LPAR6: variants seen among roughly 807,000 people sequenced by gnomAD.
LPAR6 encodes lysophosphatidic acid receptor 6.
In LPAR6, 17 loss-of-function variants were observed where a neutral mutation model predicts 22.0. The observed-to-expected ratio is 0.77, with a 90% CI of 0.53 to 1.16. The LOEUF is 1.16. LPAR6 is among the 50% of genes most tolerant of loss of function. The pLI is 0.00. For missense variants in LPAR6, 384 were observed against 406.9 expected (o/e 0.94, Z 0.48); for synonymous variants, 136 against 139.8 (o/e 0.97, Z 0.19).
At chr13:48,389,677 A>G (rs1402330754) in exon 2 of LPAR6, 1 of 152,052 alleles carries the variant, frequency 6.6e-6, no homozygotes, top group South Asian at 2.1e-4. Context: ...AGGTGCCTGG[A>G]GCTATAGGGT....
chr13:48,416,995 C>T (rs1198929091), upstream of LPAR6, among the ~76,000 whole-genome samples: 5 of 152,190 alleles, frequency 3.3e-5, no homozygotes, highest in Non-Finnish European at 7.4e-5. Flanking sequence ...GCTATTGGTG[C>T]AGCTTCAGCA....
At chr13:48,443,930 C>T (rs1949262580) in intron 1 of LPAR6, among the ~76,000 whole-genome samples, 1 of 152,106 alleles carries the variant, frequency 6.6e-6, no homozygotes, top group South Asian at 2.1e-4. Flanking sequence ...CCATGTTTTT[C>T]TTCTGCTCTC....
intron 1 of LPAR6, among the ~76,000 whole-genome samples, chr13:48,397,937 G>C (rs1948661441): frequency 6.6e-6 from 1 of 152,148 alleles, no homozygotes; most frequent in Non-Finnish European, 1.5e-5. Context: ...CTTTGCAGAA[G>C]TATTTTAAGT....
chr13:48,423,395 A>G (rs900793103), intron 1 of LPAR6, among the ~76,000 whole-genome samples: 6 of 152,082 alleles, frequency 3.9e-5, no homozygotes, highest in Non-Finnish European at 7.4e-5. Flanking sequence ...GGTATAATAG[A>G]TCAAGGAGTC....
downstream of LPAR6, chr13:48,408,834 T>C (rs537767425): frequency 1.3e-5 from 2 of 152,176 alleles, no homozygotes; most frequent in Non-Finnish European, 2.9e-5. Context: ...AATGACTGTT[T>C]TATTTGCATT....
chr13:48,389,770 C>G (rs1269060167), exon 2 of LPAR6: 1 of 152,240 alleles, frequency 6.6e-6, no homozygotes, highest in African/African-American at 2.4e-5. Flanking sequence ...CTCCCATCCT[C>G]CCTCCCTAGA....
chr13:48,395,407 A>C (rs1378566502), intron 1 of LPAR6, among the ~76,000 whole-genome samples: 1 of 152,136 alleles, frequency 6.6e-6, no homozygotes, highest in Non-Finnish European at 1.5e-5. Flanking sequence ...TAGGCTTCAG[A>C]AGGTGGGTAA....
intron 2 of LPAR6, among the ~76,000 whole-genome samples, chr13:48,418,137 T>C (rs1948945220): frequency 6.6e-6 from 1 of 151,972 alleles, no homozygotes; most frequent in Admixed American, 6.6e-5. Flanking sequence ...GAGAGAAAGG[T>C]CGGGTTACCT....
At chr13:48,434,086 A>T (rs1299654739) in intron 1 of LPAR6, among the ~76,000 whole-genome samples, 1 of 152,100 alleles carries the variant, frequency 6.6e-6, no homozygotes, top group Non-Finnish European at 1.5e-5. Flanking sequence ...TAAAATAAAT[A>T]ATTTCTCCAA....
intron 1 of LPAR6, among the ~76,000 whole-genome samples, chr13:48,394,952 G>A (rs745330751): frequency 1.6e-4 from 24 of 152,302 alleles, no homozygotes; most frequent in Non-Finnish European, 3.2e-4. Flanking sequence ...TCCTGACTGG[G>A]AAACACCTCC....
chr13:48,431,006 G>A (rs1354007011), upstream of LPAR6, among the ~76,000 whole-genome samples: 1 of 152,096 alleles, frequency 6.6e-6, no homozygotes, highest in Non-Finnish European at 1.5e-5. Flanking sequence ...AGATAGGTTT[G>A]ACTAAATAAT....
rs1190865490 is a variant in LPAR6, at chr13:48,411,768, CT to C, written c.655del (p.Arg219GlufsTer4). 12 of 1,611,186 alleles carry C rather than the reference CT, an allele frequency of 7.4e-6. No individual in the cohort carries two copies. The highest frequency in any genetic ancestry group is 1.0e-5 in the Non-Finnish European group (12 of 1,177,582). ...AACCTTAGTTTTGTTTATTTTGCTTCTACTTAATGTAACAGGTTTGGTTAAA... is the reference window on the plus strand; with the variant it reads ...AACCTTAGTTTTGTTTATTTTGCTTCACTTAATGTAACAGGTTTGGTTAAA... Reference protein sequence around the residue: ...KTLTKPVTLSRSKINKTKVLK... With the variant: ...KTLTKPVTLSXSKINKTKVLK... On this transcript the variant is annotated frameshift_variant, in exon 1 of 1. Transcript: ENST00000620633. LOFTEE classifies it high-confidence loss of function.
chr13:48,394,865 G>C (rs1948635884), intron 1 of LPAR6, among the ~76,000 whole-genome samples: 1 of 152,226 alleles, frequency 6.6e-6, no homozygotes, highest in East Asian at 1.9e-4. Flanking sequence ...GAAGAGAGCA[G>C]CAGATCTCCC....
At chr13:48,442,186 C>T (rs1949243823) in intron 1 of LPAR6, among the ~76,000 whole-genome samples, 1 of 151,668 alleles carries the variant, frequency 6.6e-6, no homozygotes, top group Admixed American at 6.6e-5. Flanking sequence ...AGTATTAATT[C>T]TTCCTACAGT....
chr13:48,416,978 A>G (rs1483164741), upstream of LPAR6, among the ~76,000 whole-genome samples: 6 of 152,162 alleles, frequency 3.9e-5, no homozygotes, highest in East Asian at 1.2e-3. Context: ...GAAGGGTGCT[A>G]TGGGTGGCTA....
chr13:48,430,753 C>A (rs1363547758), upstream of LPAR6, among the ~76,000 whole-genome samples: 10 of 31,340 alleles, frequency 3.2e-4, no homozygotes, highest in Admixed American at 4.5e-3. Flanking sequence ...AACAAAAAAA[C>A]AAACAAACAA....
At chr13:48,424,952 G>A (rs1331465465) in intron 1 of LPAR6, among the ~76,000 whole-genome samples, 1 of 151,984 alleles carries the variant, frequency 6.6e-6, no homozygotes, top group Admixed American at 6.6e-5. Flanking sequence ...TACTCAGAAG[G>A]CTAAGGCAGG....
chr13:48,397,471 CA>C (rs1948657540), intron 1 of LPAR6, among the ~76,000 whole-genome samples: 2 of 152,208 alleles, frequency 1.3e-5, no homozygotes, highest in African/African-American at 4.8e-5. Flanking sequence ...TGGAGGGGAA[CA>C]TCACACACCG....
intron 1 of LPAR6, among the ~76,000 whole-genome samples, chr13:48,396,119 C>T (rs1948646000): frequency 6.6e-6 from 1 of 152,122 alleles, no homozygotes; most frequent in African/African-American, 2.4e-5. Flanking sequence ...CTACCTTTGG[C>T]TTTCTTCACA....
Sources: gnomAD v4.1 joint callset for allele counts (sites outside exome capture counted in the v4.1 genomes callset) on GRCh38, gnomAD v4.1.1 for gene constraint, MANE v1.5 for transcripts, NCBI Gene and HGNC (gene_info 2026-07-23, HGNC 2026-07-21) for gene names.